The following YAF2 variants were observed in gnomAD, a reference collection of about 807,000 sequenced individuals.
YAF2 encodes the protein YY1-associated factor 2.
A neutral mutation model predicts 20.1 loss-of-function variants in YAF2; 7 were observed. That is an observed-to-expected ratio of 0.35 (90% CI 0.20 to 0.65). The LOEUF (loss-of-function observed/expected upper bound fraction) is 0.65, where lower values mean the gene tolerates loss of function less well. YAF2 is among the 30% of genes least tolerant of loss of function. The pLI, the probability that YAF2 is intolerant of heterozygous loss-of-function variation, is 0.69. For missense variants in YAF2, 151 were observed against 219.2 expected (o/e 0.69, Z 1.96); for synonymous variants, 74 against 76.0 (o/e 0.97, Z 0.14).
chr12:42,195,550 A>G (rs2066727194), intron 2 of YAF2, among the ~76,000 whole-genome samples: 1 of 152,248 alleles, frequency 6.6e-6, no homozygotes, highest in Non-Finnish European at 1.5e-5. Context: ...GGATGAAAAC[A>G]ATATTCCGTA....
chr12:42,234,904 CTT>C, intron 2 of YAF2: 1 of 828,704 alleles, frequency 1.2e-6, no homozygotes, highest in South Asian at 5.5e-5. Context: ...GGGAGGATTC[CTT>C]GAACCTGGGA....
intron 2 of YAF2, among the ~76,000 whole-genome samples, chr12:42,164,564 C>T (rs1056174091): frequency 6.6e-6 from 1 of 151,986 alleles, no homozygotes; most frequent in Non-Finnish European, 1.5e-5. Context: ...GTATTAAAAA[C>T]AATGACATTC....
At chr12:42,184,134 C>CTA (rs1384452894) in intron 2 of YAF2, among the ~76,000 whole-genome samples, 1 of 152,106 alleles carries the variant, frequency 6.6e-6, no homozygotes, top group Non-Finnish European at 1.5e-5. Flanking sequence ...CTATTGAGAC[C>CTA]TATGCTCAGA....
chr12:42,158,508 C>CA lies in YAF2; in HGVS notation c.*2080dup. On this transcript the variant is annotated 3_prime_UTR_variant, in exon 4 of 4. Transcript: ENST00000534854. ...TTTACACGGATTGACTTAATCCTCC[C>CA]AAAAACCCTATAAATTAGATGTGAT... is the stretch of plus-strand genomic sequence containing the variant. 1 of 152,120 alleles carries CA rather than the reference C, an allele frequency of 6.6e-6. No individual in the cohort carries two copies. Among genetic ancestry groups the CA allele is most frequent in the East Asian group, 1.9e-4 (1 of 5,190 alleles). 9.4% of individuals were successfully genotyped at this position (152,120 alleles called of 1,614,324 possible).
chr12:42,208,910 G>A (rs997978691), intron 2 of YAF2, among the ~76,000 whole-genome samples: 11 of 152,166 alleles, frequency 7.2e-5, no homozygotes, highest in East Asian at 1.9e-4. Context: ...TCCAGCAAAC[G>A]GATGAAAGTT....
intron 2 of YAF2, chr12:42,235,596 G>A (rs987467770): frequency 9.7e-6 from 14 of 1,441,376 alleles, no homozygotes; most frequent in East Asian, 5.1e-5. Context: ...TGAGAGGGTC[G>A]TGGTGTAGAA....
At chr12:42,214,116 G>A (rs567671914) in intron 2 of YAF2, among the ~76,000 whole-genome samples, 2 of 152,042 alleles carry the variant, frequency 1.3e-5, no homozygotes, top group Non-Finnish European at 1.5e-5. Context: ...TATCATTTAC[G>A]ACTAAATTGT....
intron 2 of YAF2, among the ~76,000 whole-genome samples, chr12:42,222,222 T>C (rs934075209): frequency 2.0e-5 from 3 of 152,082 alleles, no homozygotes; most frequent in Non-Finnish European, 4.4e-5. Flanking sequence ...AAACATACCT[T>C]AAAGAAAAAA....
intron 2 of YAF2, among the ~76,000 whole-genome samples, chr12:42,197,751 TCTTAC>T (rs947213704): frequency 3.3e-5 from 5 of 152,274 alleles, no homozygotes; most frequent in Admixed American, 6.5e-5. Flanking sequence ...CTCCAAATAA[TCTTAC>T]CTTACAAGAG....
chr12:42,165,396 T>A (rs1293946806), intron 2 of YAF2, among the ~76,000 whole-genome samples: 1 of 152,168 alleles, frequency 6.6e-6, no homozygotes, highest in Non-Finnish European at 1.5e-5. Context: ...GTAAACCCAA[T>A]TTCTTATTCT....
intron 2 of YAF2, among the ~76,000 whole-genome samples, chr12:42,203,966 A>C (rs2137178168): frequency 6.6e-6 from 1 of 152,282 alleles, no homozygotes; most frequent in East Asian, 1.9e-4. Flanking sequence ...GAGGAGGGAA[A>C]TTGCTTGAGG....
At chr12:42,191,319 C>A (rs1280676886) in intron 2 of YAF2, among the ~76,000 whole-genome samples, 1 of 152,122 alleles carries the variant, frequency 6.6e-6, no homozygotes, top group African/African-American at 2.4e-5. Context: ...CTCTTTTTCT[C>A]ACCTGATGTC....
chr12:42,160,847 T>C, intron 3 of YAF2, 21 bp from the exon 4 acceptor site: 1 of 1,574,158 alleles, frequency 6.4e-7, no homozygotes, highest in Non-Finnish European at 8.6e-7. Context: ...AAAAATGAAA[T>C]TTTAAACTAG....
rs1054268275 is a variant in YAF2 at position 42,189,421 on chromosome 12, T to A, written c.153-27656A>T. 2.0e-5 allele frequency among the ~76,000 whole-genome samples: 3 copies of A among 152,182 alleles called. No individual in the cohort carries two copies. In the East Asian group the frequency reaches 5.8e-4, roughly 29 times the overall value. On this transcript the variant is annotated intron_variant, in intron 2 of 3. Coordinates refer to ENST00000534854, the MANE Select transcript of YAF2 (RefSeq NM_005748.6). ...TTTTGCAGATATTTGAAATGTACTA[T>A]AATTAAAGGTTTAAAACACTGAATC...
At position 42,192,237 on chromosome 12, in the gene YAF2, G is replaced by A. The variant is rs111793912; in HGVS notation, c.153-30472C>T. Among the ~76,000 whole-genome samples the A allele has an allele frequency of 6.2e-3, 947 of 152,110 alleles. 7 individuals carry two copies. Among genetic ancestry groups the A allele is most frequent in the African/African-American group, 0.021 (889 of 41,478 alleles). On this transcript the variant is annotated intron_variant, in intron 2 of 3. Transcript: ENST00000534854. ...AGAACCTAGATTTTGGCTGAGCATCGTGGCACATGCCTGTAATCCCAACAG... is the reference window on the plus strand; with the variant it reads ...AGAACCTAGATTTTGGCTGAGCATCATGGCACATGCCTGTAATCCCAACAG...
intron 2 of YAF2, chr12:42,212,501 A>C (rs1306764545): frequency 2.3e-6 from 1 of 437,002 alleles, no homozygotes; most frequent in African/African-American, 2.0e-5. Context: ...AAACAAAGAA[A>C]GTGTATAGTT....
intron 2 of YAF2, among the ~76,000 whole-genome samples, chr12:42,190,372 G>T (rs1021311601): frequency 2.4e-4 from 37 of 152,098 alleles, no homozygotes; most frequent in African/African-American, 7.7e-4. Context: ...AAATGAAAAA[G>T]AATTGTTAAT....
intron 2 of YAF2, among the ~76,000 whole-genome samples, chr12:42,202,700 A>G (rs773646919): frequency 1.3e-5 from 2 of 152,124 alleles, no homozygotes; most frequent in African/African-American, 2.4e-5. Context: ...GTGCAATGGC[A>G]TGATCTCGGC....
chr12:42,209,400 T>TA (rs1401726518), intron 2 of YAF2, among the ~76,000 whole-genome samples: 4 of 151,296 alleles, frequency 2.6e-5, no homozygotes, highest in South Asian at 2.1e-4. Context: ...CCCATCTCTA[T>TA]AAAAAATAAA....
Sources: allele counts gnomAD v4.1 joint callset (sites outside exome capture counted in the v4.1 genomes callset), GRCh38; gene constraint gnomAD v4.1.1; transcripts MANE v1.5; gene names NCBI Gene and HGNC (gene_info 2026-07-23, HGNC 2026-07-21).